Variants in AGTRAP observed in about 807,000 individuals in gnomAD.
AGTRAP encodes type-1 angiotensin II receptor-associated protein.
In AGTRAP, 7 loss-of-function variants were observed where a neutral mutation model predicts 15.2. That is an observed-to-expected ratio of 0.46 (90% CI 0.26 to 0.87). AGTRAP has a LOEUF of 0.87. AGTRAP is among the 40% of genes least tolerant of loss of function. The pLI is 0.15. For missense variants in AGTRAP, 187 were observed against 213.4 expected, an observed-to-expected ratio of 0.88 and a Z score of 0.77; for synonymous variants, 74 against 89.6, an observed-to-expected ratio of 0.83 and a Z score of 0.98.
chr1:11,738,965 A>G (rs1641963557), intron 1 of AGTRAP, among the ~76,000 whole-genome samples: 1 of 152,198 alleles, frequency 6.6e-6, no homozygotes, highest in African/African-American at 2.4e-5. Context: ...CTTGGTCTGC[A>G]TGCCCTGCTG....
Position 11,748,050 on chromosome 1 carries a change from G to A in AGTRAP, c.169-365G>A, listed in dbSNP as rs573859792. Among the ~76,000 whole-genome samples the A allele has an allele frequency of 9.8e-5, 15 of 152,320 alleles. No individual in the cohort carries two copies. The East Asian group carries it at 2.1e-3, about 22-fold the overall frequency. ...CACGGGCTCTTCAAGCCGAGGCCAG[G>A]GCCTCAGGATGACTGAGAAGAGATT... On this transcript the variant is annotated intron_variant, in intron 3 of 4. Transcript: ENST00000314340.
At chr1:11,744,107 C>G (rs1181029287) in intron 1 of AGTRAP, among the ~76,000 whole-genome samples, 2 of 152,006 alleles carry the variant, frequency 1.3e-5, no homozygotes, top group Admixed American at 6.6e-5. Context: ...GAGACCTTGT[C>G]TCTACAAAAA....
rs1217339112 is a variant in AGTRAP, at chr1:11,750,515, C to T, written c.*323C>T. 1.7e-6 allele frequency: 1 copy of T among 574,906 alleles called. No individual in the cohort carries two copies. Among genetic ancestry groups the T allele is most frequent in the Non-Finnish European group, 3.1e-6 (1 of 322,882 alleles). 35.6% of individuals were successfully genotyped at this position (574,906 alleles called of 1,614,324 possible). ...CTGCCTGAGTGTTGCAAGCTCAGGCCTTTAAGGACTGCTGATGCCCCCTCA... is the reference window on the plus strand; with the variant it reads ...CTGCCTGAGTGTTGCAAGCTCAGGCTTTTAAGGACTGCTGATGCCCCCTCA... On this transcript the variant is annotated 3_prime_UTR_variant, in exon 5 of 5. Transcript: ENST00000314340.
intron 1 of AGTRAP, among the ~76,000 whole-genome samples, chr1:11,736,727 T>C (rs1641908267): frequency 6.6e-6 from 1 of 152,222 alleles, no homozygotes; most frequent in Admixed American, 6.5e-5. Flanking sequence ...TTATAAAGTT[T>C]ACACATCCAG....
Position 11,741,943 on chromosome 1 carries a change from C to G in AGTRAP, c.28-3860C>G, listed in dbSNP as rs74624094. ...CCTTACAGAATTATTTTCCTAGTCTCTTGGAGCTGAGAAAGGAATTTCTTT... is the reference window on the plus strand; with the variant it reads ...CCTTACAGAATTATTTTCCTAGTCTGTTGGAGCTGAGAAAGGAATTTCTTT... On this transcript the variant is annotated intron_variant, in intron 1 of 4. Coordinates refer to ENST00000314340, the MANE Select transcript of AGTRAP (RefSeq NM_020350.5). 5.9e-3 allele frequency among the ~76,000 whole-genome samples: 895 copies of G among 152,320 alleles called. 9 individuals carry two copies. The highest frequency in any genetic ancestry group is 0.02 in the African/African-American group (846 of 41,556).
rs1642148745 is a variant in AGTRAP, at chr1:11,745,851, T to C, written c.62+14T>C. On this transcript the variant is annotated intron_variant, in intron 2 of 4. Transcript: ENST00000314340. This position sits in a 1 kb window ranked among gnomAD's most constrained non-coding sequence, Gnocchi z 4.2. ...GCTGACAACCTGGTAAGTGACTCTG[T>C]GGGTATCTTGTGTGTCTCCTGCGGT... 2.5e-6 allele frequency: 4 copies of C among 1,613,530 alleles called. No individual in the cohort carries two copies. The South Asian group carries it at 3.3e-5, about 13-fold the overall frequency.
chr1:11,740,650 T>C, intron 1 of AGTRAP, among the ~76,000 whole-genome samples: 1 of 152,140 alleles, frequency 6.6e-6, no homozygotes, highest in East Asian at 1.9e-4. Context: ...ATCCTGCGGA[T>C]CAGAGGCCCC....
rs375674206 is a variant in AGTRAP at position 11,736,906 on chromosome 1, C to T, written c.27+671C>T. On this transcript the variant is annotated intron_variant, in intron 1 of 4. Coordinates refer to ENST00000314340, the MANE Select transcript of AGTRAP (RefSeq NM_020350.5). ...GGGTGCCAGCGGCTGTTCTTTTTCT[C>T]CCCGCCCAGCCCCGCCGCCCACGTG... is the stretch of plus-strand genomic sequence containing the variant. 9.5e-4 allele frequency among the ~76,000 whole-genome samples: 144 copies of T among 152,324 alleles called. 6 individuals are homozygous for T. The South Asian group carries it at 0.025, about 27-fold the overall frequency.
rs537990391 is a variant in AGTRAP at position 11,736,166 on chromosome 1, G to GC, written c.-37dup. On this transcript the variant is annotated 5_prime_UTR_variant, in exon 1 of 5. Coordinates refer to ENST00000314340, the MANE Select transcript of AGTRAP (RefSeq NM_020350.5). ...TGTTCCCCGAGTTCGGAGCCTAGGA[G>GC]CCCCCCGCGGCTGCGGCGCAGGTGC... 9.5e-6 allele frequency: 15 copies of GC among 1,584,694 alleles called. No homozygotes were observed. The highest frequency in any genetic ancestry group is 5.4e-5 in the African/African-American group (4 of 74,700).
At chr1:11,749,004 C>T (rs886517138) in intron 4 of AGTRAP, among the ~76,000 whole-genome samples, 16 of 152,194 alleles carry the variant, frequency 1.1e-4, no homozygotes, top group Admixed American at 5.9e-4. Flanking sequence ...AACCCCATTT[C>T]CTGCCACATG....
chr1:11,750,543 C>T lies in AGTRAP; in HGVS notation c.*351C>T, dbSNP rs1642294649. 1.9e-6 allele frequency: 1 copy of T among 533,872 alleles called. No individual in the cohort carries two copies. Among genetic ancestry groups the T allele is most frequent in the Non-Finnish European group, 3.3e-6 (1 of 298,960 alleles). The allele number at this position is 533,872 out of a possible 1,614,324, so 33.1% of individuals were successfully genotyped here. ...TAAGGACTGCTGATGCCCCCTCAGG[C>T]CTCCCCCAAGTTTGCTGGGCTTTGG... On this transcript the variant is annotated 3_prime_UTR_variant, in exon 5 of 5. Transcript: ENST00000314340.
chr1:11,737,975 C>A (rs1209539251), intron 1 of AGTRAP, among the ~76,000 whole-genome samples: 1 of 152,206 alleles, frequency 6.6e-6, no homozygotes, highest in African/African-American at 2.4e-5. Flanking sequence ...AATTTCAGAT[C>A]AACAACGAAC....
At chr1:11,737,290 G>A (rs1641923614) in intron 1 of AGTRAP, among the ~76,000 whole-genome samples, 2 of 152,232 alleles carry the variant, frequency 1.3e-5, no homozygotes, top group Admixed American at 1.3e-4. Flanking sequence ...AAGGGAATGG[G>A]CTTGGATGGA....
chr1:11,745,877 C>T lies in AGTRAP; in HGVS notation c.62+40C>T. 6.2e-7 allele frequency: 1 copy of T among 1,613,112 alleles called. No homozygotes were observed. The highest frequency in any genetic ancestry group is 2.2e-5 in the East Asian group (1 of 44,864). ...GGGTATCTTGTGTGTCTCCTGCGGT[C>T]TCAGGGTCTGTGTCAGCCGGGTCAG... On this transcript the variant is annotated intron_variant, in intron 2 of 4. Transcript: ENST00000314340. The surrounding 1 kb of genome is among the most constrained non-coding windows in gnomAD (Gnocchi z 4.2).
intron 1 of AGTRAP, among the ~76,000 whole-genome samples, chr1:11,737,482 G>A (rs1478678019): frequency 6.6e-6 from 1 of 152,236 alleles, no homozygotes; most frequent in Non-Finnish European, 1.5e-5. Flanking sequence ...TCTAATTTAT[G>A]GGCTTCTGTG....
intron 1 of AGTRAP, among the ~76,000 whole-genome samples, chr1:11,741,985 G>A (rs190525387): frequency 2.0e-5 from 3 of 152,340 alleles, no homozygotes; most frequent in Non-Finnish European, 4.4e-5. Flanking sequence ...ACAGAGCCAG[G>A]CCCCTTGTGG....
chr1:11,739,312 A>G (rs934158136), intron 1 of AGTRAP, among the ~76,000 whole-genome samples: 3 of 152,134 alleles, frequency 2.0e-5, no homozygotes, highest in Admixed American at 6.5e-5. Context: ...GCACTTTGGG[A>G]GACCCAGGCA....
At chr1:11,738,723 G>A (rs1166389115) in intron 1 of AGTRAP, among the ~76,000 whole-genome samples, 4 of 152,134 alleles carry the variant, frequency 2.6e-5, no homozygotes, top group Non-Finnish European at 5.9e-5. Context: ...ATGGAGCCAG[G>A]ATCAGATCCA....
chr1:11,745,742 T>C lies in AGTRAP; in HGVS notation c.28-61T>C. The C allele has an allele frequency of 1.9e-6, 3 of 1,589,302 alleles. No homozygotes were observed. The highest frequency in any genetic ancestry group is 2.6e-6 in the Non-Finnish European group (3 of 1,157,488). On this transcript the variant is annotated intron_variant, in intron 1 of 4. Transcript: ENST00000314340. This position sits in a 1 kb window ranked among gnomAD's most constrained non-coding sequence, Gnocchi z 4.2. Reference sequence around the variant, plus strand: ...GTCCTGTGTTTTCTGCACCCGACGCTTTCCTGCCCCTGTGGTGGTCATGTT... The same window carrying C: ...GTCCTGTGTTTTCTGCACCCGACGCCTTCCTGCCCCTGTGGTGGTCATGTT...
Sources: gnomAD v4.1 joint callset for allele counts (sites outside exome capture counted in the v4.1 genomes callset) on GRCh38, gnomAD v4.1.1 for gene constraint, Gnocchi (gnomAD v3.1) non-coding constraint, MANE v1.5 for transcripts, NCBI Gene and HGNC (gene_info 2026-07-23, HGNC 2026-07-21) for gene names.